The following PAX3 variants were observed in gnomAD, a reference collection of about 807,000 sequenced individuals.
The protein encoded by PAX3 is paired box protein Pax-3.
In PAX3, 14 loss-of-function variants were observed where a neutral mutation model predicts 51.6. That is an observed-to-expected ratio of 0.27 (90% CI 0.18 to 0.42). The LOEUF is 0.42. Ranked by LOEUF, PAX3 falls within the 10% of genes least tolerant of loss-of-function variation. The pLI, the probability that PAX3 is intolerant of heterozygous loss-of-function variation, is 1.00. For missense variants in PAX3, 540 were observed against 642.8 expected (o/e 0.84, Z 1.73); for synonymous variants, 280 against 253.4 (o/e 1.11, Z -1.00).
chr2:222,284,028 T>A (rs1694740516), intron 4 of PAX3, among the ~76,000 whole-genome samples: 1 of 152,132 alleles, frequency 6.6e-6, no homozygotes, highest in South Asian at 2.1e-4. Context: ...TGGAGGCAAA[T>A]GGAACAGAAC....
At chr2:222,210,468 T>C (rs1691682513) in intron 7 of PAX3, among the ~76,000 whole-genome samples, 1 of 152,264 alleles carries the variant, frequency 6.6e-6, no homozygotes, top group African/African-American at 2.4e-5. Context: ...TTTTCAAAAA[T>C]ACATTCATTC....
At chr2:222,218,329 G>T (rs1692048242) in intron 7 of PAX3, among the ~76,000 whole-genome samples, 2 of 151,938 alleles carry the variant, frequency 1.3e-5, no homozygotes, top group African/African-American at 4.8e-5. Context: ...TAATACAAAA[G>T]AATACACATC....
chr2:222,285,439 T>C (rs1456880978), intron 4 of PAX3, among the ~76,000 whole-genome samples: 1 of 152,224 alleles, frequency 6.6e-6, no homozygotes, highest in Admixed American at 6.5e-5. Context: ...CACTAGAGTT[T>C]GCCACTAAAA....
chr2:222,280,342 G>A, intron 4 of PAX3, among the ~76,000 whole-genome samples: 1 of 138,864 alleles, frequency 7.2e-6, no homozygotes, highest in Non-Finnish European at 1.6e-5. Flanking sequence ...GAGGGAGGAA[G>A]GAAAGAAAAA....
chr2:222,297,453 C>A lies in PAX3; in HGVS notation c.86-240G>T, dbSNP rs376886171. ...AGACAGCAAATGGGGCAAAATAATTCTCCCCAGAGAAAGCGTCTTCCCCTT... is the reference window on the plus strand; with the variant it reads ...AGACAGCAAATGGGGCAAAATAATTATCCCCAGAGAAAGCGTCTTCCCCTT... On this transcript the variant is annotated intron_variant, in intron 1 of 8. Coordinates refer to ENST00000392070, the MANE Select transcript of PAX3 (RefSeq NM_181458.4). Among the ~76,000 whole-genome samples the A allele has an allele frequency of 4.6e-5, 7 of 152,210 alleles. No individual in the cohort carries two copies. In the East Asian group the frequency reaches 1.3e-3, roughly 29 times the overall value.
intron 4 of PAX3, among the ~76,000 whole-genome samples, chr2:222,234,956 T>G (rs1432188335): frequency 6.6e-6 from 1 of 152,208 alleles, no homozygotes; most frequent in Non-Finnish European, 1.5e-5. Flanking sequence ...ATTTAAAGAC[T>G]GACCAAAAAC....
intron 2 of PAX3, among the ~76,000 whole-genome samples, chr2:222,295,986 CA>C (rs1161984731): frequency 6.6e-6 from 1 of 152,156 alleles, no homozygotes; most frequent in Non-Finnish European, 1.5e-5. Context: ...CAACTGCTTA[CA>C]CAGAACCAAC....
intron 4 of PAX3, among the ~76,000 whole-genome samples, chr2:222,248,622 C>T (rs1332172664): frequency 6.6e-6 from 1 of 152,170 alleles, no homozygotes; most frequent in Non-Finnish European, 1.5e-5. Context: ...AGCTGTGTGT[C>T]CCAGCAGTAC....
chr2:222,212,437 C>T (rs1691775223), intron 7 of PAX3, among the ~76,000 whole-genome samples: 1 of 152,172 alleles, frequency 6.6e-6, no homozygotes, highest in Non-Finnish European at 1.5e-5. Context: ...TGTCCCCAAA[C>T]GTCTCCCAAT....
intron 2 of PAX3, 152 bp from the exon 3 acceptor site, chr2:222,295,809 AC>A (rs1444656855): frequency 1.1e-6 from 1 of 880,342 alleles, no homozygotes; most frequent in Non-Finnish European, 1.9e-6. Flanking sequence ...TCTCTGAGGC[AC>A]TTTAGAAAGG....
chr2:222,265,680 A>AAGGAAGGAAGGAAGGAAGGAAGGG (rs1559296281), intron 4 of PAX3, among the ~76,000 whole-genome samples: 2 of 149,896 alleles, frequency 1.3e-5, no homozygotes, highest in Admixed American at 6.6e-5. Context: ...GGAAGGAAGG[A>AAGGAAGGAAGGAAGGAAGGAAGGG]AGGAAGGAAG....
chr2:222,289,887 A>G (rs923432310), intron 4 of PAX3, among the ~76,000 whole-genome samples: 3 of 152,234 alleles, frequency 2.0e-5, no homozygotes, highest in Non-Finnish European at 4.4e-5. Flanking sequence ...AGAAAATATG[A>G]AGTTTTCTCT....
intron 4 of PAX3, among the ~76,000 whole-genome samples, chr2:222,279,154 G>T (rs535208795): frequency 6.6e-6 from 1 of 152,196 alleles, no homozygotes; most frequent in African/African-American, 2.4e-5. Flanking sequence ...CGGTTTCACC[G>T]TGCTGGCTAG....
intron 2 of PAX3, among the ~76,000 whole-genome samples, chr2:222,296,447 A>T (rs1418320825): frequency 6.6e-6 from 1 of 151,320 alleles, no homozygotes; most frequent in South Asian, 2.1e-4. Flanking sequence ...CAAACTGCTT[A>T]TTTTTTTTTA....
intron 7 of PAX3, 61 bp downstream of exon 7, chr2:222,220,079 G>A (rs1692125276): frequency 7.1e-7 from 1 of 1,403,428 alleles, no homozygotes; most frequent in Non-Finnish European, 1.0e-6. Context: ...TACTGCCTCA[G>A]GGAATTGAAT....
At chr2:222,251,327 T>C (rs1693423305) in intron 4 of PAX3, among the ~76,000 whole-genome samples, 1 of 152,158 alleles carries the variant, frequency 6.6e-6, no homozygotes, top group African/African-American at 2.4e-5. Context: ...ATTGTTCAAT[T>C]CCCACCTATA....
rs3731858 is a variant in PAX3 at position 222,201,151 on chromosome 2, C to A, written c.*257G>T. ...GATATGTAACCATGTGAAACCATTG[C>A]CTTAAAATGTTGCATTTGTCTTTTA... On this transcript the variant is annotated 3_prime_UTR_variant, in exon 9 of 9. Coordinates refer to ENST00000392070, the MANE Select transcript of PAX3 (RefSeq NM_181458.4). 660 of 1,612,482 alleles carry A rather than the reference C, an allele frequency of 4.1e-4. 13 individuals are homozygous for A. The East Asian group carries it at 9.2e-3, about 22-fold the overall frequency.
chr2:222,212,783 A>T (rs1236279113), intron 7 of PAX3, among the ~76,000 whole-genome samples: 1 of 152,224 alleles, frequency 6.6e-6, no homozygotes, highest in Non-Finnish European at 1.5e-5. Flanking sequence ...TTGCAAATGC[A>T]ATAATAAATT....
At chr2:222,275,307 T>C (rs1458939231) in intron 4 of PAX3, among the ~76,000 whole-genome samples, 1 of 152,192 alleles carries the variant, frequency 6.6e-6, no homozygotes, top group Admixed American at 6.5e-5. Context: ...CAATATTTGC[T>C]TACATGTGTT....
Sources: allele counts gnomAD v4.1 joint callset (sites outside exome capture counted in the v4.1 genomes callset), GRCh38; gene constraint gnomAD v4.1.1; transcripts MANE v1.5; gene names NCBI Gene and HGNC (gene_info 2026-07-23, HGNC 2026-07-21).